SLCO1A2: variants seen among roughly 807,000 people sequenced by gnomAD.
SLCO1A2 encodes the protein OATP-1.
SLCO1A2 carries 67 observed loss-of-function variants against 69.0 expected under a neutral mutation model. The ratio of observed to expected loss-of-function variants is 0.97; its 90% CI spans 0.80 to 1.19. SLCO1A2 has a LOEUF of 1.19. SLCO1A2 is among the 50% of genes most tolerant of loss of function. The probability of loss-of-function intolerance (pLI) is 0.00; values close to 1 mark genes in which losing one functional copy is unlikely to be tolerated. For synonymous variants in SLCO1A2, 260 were observed against 265.9 expected (o/e 0.98, Z 0.22); for missense variants, 787 against 793.7 (o/e 0.99, Z 0.10).
chr12:21,285,162 T>A (rs1369347573), intron 12 of SLCO1A2, among the ~76,000 whole-genome samples: 1 of 147,318 alleles, frequency 6.8e-6, no homozygotes, highest in Non-Finnish European at 1.5e-5. Flanking sequence ...CAATAAAAAA[T>A]GATAAAGGGG....
At chr12:21,364,522 A>AACAG in intron 2 of SLCO1A2, among the ~76,000 whole-genome samples, 1 of 152,344 alleles carries the variant, frequency 6.6e-6, no homozygotes, top group South Asian at 2.1e-4. Context: ...ACTCCTATTC[A>AACAG]ACATAGTGTT....
intron 2 of SLCO1A2, among the ~76,000 whole-genome samples, chr12:21,345,300 T>C (rs750432522): frequency 1.5e-4 from 23 of 152,170 alleles, no homozygotes; most frequent in Non-Finnish European, 3.1e-4. Context: ...CTCCTTGCAG[T>C]AGAAACAGTA....
chr12:21,315,096 T>C (rs1950708813), intron 3 of SLCO1A2, among the ~76,000 whole-genome samples: 1 of 152,222 alleles, frequency 6.6e-6, no homozygotes, highest in Non-Finnish European at 1.5e-5. Flanking sequence ...TATCATGTTT[T>C]CCTATGCCCA....
intron 2 of SLCO1A2, among the ~76,000 whole-genome samples, chr12:21,359,500 C>A (rs1382325592): frequency 6.6e-6 from 1 of 152,112 alleles, no homozygotes; most frequent in East Asian, 1.9e-4. Flanking sequence ...TACCCAATAA[C>A]CTTGCAATGA....
upstream of SLCO1A2, among the ~76,000 whole-genome samples, chr12:21,396,563 A>G (rs1275869756): frequency 1.3e-5 from 2 of 151,564 alleles, no homozygotes; most frequent in African/African-American, 2.4e-5. Flanking sequence ...TCCAAGACAC[A>G]TAATTGTCAG....
intron 11 of SLCO1A2, among the ~76,000 whole-genome samples, chr12:21,293,245 G>C (rs1259618674): frequency 2.6e-5 from 4 of 152,166 alleles, no homozygotes; most frequent in Admixed American, 2.6e-4. Context: ...GGAGGTTGCA[G>C]TGAGCCGAGA....
chr12:21,315,370 TG>T (rs770185981), intron 3 of SLCO1A2, among the ~76,000 whole-genome samples: 1 of 152,122 alleles, frequency 6.6e-6, no homozygotes, highest in East Asian at 1.9e-4. Flanking sequence ...AAGAAACTAA[TG>T]GGGGAAGGCC....
intron 2 of SLCO1A2, among the ~76,000 whole-genome samples, chr12:21,331,165 G>T (rs984449542): frequency 6.6e-5 from 10 of 152,014 alleles, no homozygotes; most frequent in African/African-American, 2.2e-4. Context: ...AGAAGAATCT[G>T]CCCATGACTC....
upstream of SLCO1A2, among the ~76,000 whole-genome samples, chr12:21,397,286 A>T (rs958409947): frequency 6.6e-6 from 1 of 151,852 alleles, no homozygotes; most frequent in Non-Finnish European, 1.5e-5. Flanking sequence ...AGGCCATTAC[A>T]TAATGGTAAA....
intron 12 of SLCO1A2, among the ~76,000 whole-genome samples, chr12:21,278,678 CT>C (rs1565465366): frequency 6.6e-6 from 1 of 152,146 alleles, no homozygotes; most frequent in Non-Finnish European, 1.5e-5. Context: ...CATTATTGGG[CT>C]TGCGGGCCCA....
At chr12:21,321,838 C>T (rs1296293357) in intron 2 of SLCO1A2, among the ~76,000 whole-genome samples, 2 of 152,098 alleles carry the variant, frequency 1.3e-5, no homozygotes, top group Non-Finnish European at 2.9e-5. Flanking sequence ...CTTTATCTTC[C>T]CACCCTACTG....
At chr12:21,367,917 A>G (rs572968879) in intron 2 of SLCO1A2, among the ~76,000 whole-genome samples, 1 of 152,208 alleles carries the variant, frequency 6.6e-6, no homozygotes, top group African/African-American at 2.4e-5. Context: ...GTAATCAAAT[A>G]GTTAACAAGA....
chr12:21,312,094 G>GAGA (rs1006193863), intron 4 of SLCO1A2, among the ~76,000 whole-genome samples: 9 of 150,240 alleles, frequency 6.0e-5, no homozygotes, highest in African/African-American at 2.2e-4. Context: ...GAGGAGGAAG[G>GAGA]AGAAGAAGAA....
intron 2 of SLCO1A2, chr12:21,324,556 T>C (rs1373509654): frequency 2.0e-5 from 3 of 152,228 alleles, no homozygotes; most frequent in African/African-American, 7.2e-5. Context: ...ACTAAACTTA[T>C]GCAAATAACT....
In SLCO1A2 at chr12:21,318,938, TA is replaced by T; in HGVS notation, c.61-16del. The T allele has an allele frequency of 6.4e-7, 1 of 1,564,194 alleles. No homozygotes were observed. The highest frequency in any genetic ancestry group is 1.2e-5 in the South Asian group (1 of 83,640). Reference sequence around the variant, plus strand: ...AACAGAAACATCTAGGAAAAAAATATAAGAAAACGTAGAAAAAATTATTTTT... The same window carrying T: ...AACAGAAACATCTAGGAAAAAAATATAGAAAACGTAGAAAAAATTATTTTT... On this transcript the variant is annotated splice_polypyrimidine_tract_variant and intron_variant, in intron 2 of 14. Coordinates refer to ENST00000683939, the MANE Select transcript of SLCO1A2 (RefSeq NM_001386879.1).
At chr12:21,386,053 T>A (rs1012566235) in intron 1 of SLCO1A2, among the ~76,000 whole-genome samples, 1 of 152,214 alleles carries the variant, frequency 6.6e-6, no homozygotes, top group Non-Finnish European at 1.5e-5. Context: ...GTCTAAGTGT[T>A]TTCAACTTTC....
In SLCO1A2 at chr12:21,300,497, C is replaced by T; in HGVS notation, c.761G>A (p.Gly254Glu). 6.2e-7 allele frequency: 1 copy of T among 1,613,520 alleles called. No individual in the cohort carries two copies. Residue 254 changes from glycine (G) to glutamate (E), a missense_variant, in exon 8 of 15, where the codon GGA becomes GAA. Physicochemically the swap from Gly to Glu is moderately conservative, Grantham distance 98 (BLOSUM62 -2). Coordinates refer to ENST00000683939, the MANE Select transcript of SLCO1A2 (RefSeq NM_001386879.1). ...AWWFGFLICAGVNVLTAIPFF... is the reference protein window; with the variant it reads ...AWWFGFLICAEVNVLTAIPFF... ...AGGAATGGCAGTGAGCACGTTAACT[C>T]CTGCACAAATCAGAAAGCCAAACCA...
chr12:21,295,662 A>T lies in SLCO1A2; in HGVS notation c.1206T>A (p.Tyr402Ter). The change falls in exon 10 of 15, where the codon TAT becomes TAA. Residue 402 changes from tyrosine to a stop codon, truncating the protein, a stop_gained. Transcript: ENST00000683939. LOFTEE classifies it high-confidence loss of function. ...CWLSLLEYLLYFLSFLMTCEN... is the reference protein window; with the variant it reads ...CWLSLLEYLL Reference sequence around the variant, plus strand: ...CACAAGTCATGAGAAAAGATAAAAAATAGAGAAGATACTCAAGTAAGGATA... The same window carrying T: ...CACAAGTCATGAGAAAAGATAAAAATTAGAGAAGATACTCAAGTAAGGATA... 1.2e-6 allele frequency: 2 copies of T among 1,606,798 alleles called. No individual in the cohort carries two copies. The highest frequency in any genetic ancestry group is 1.7e-6 in the Non-Finnish European group (2 of 1,173,704).
chr12:21,277,242 G>T (rs1032556422), intron 12 of SLCO1A2, among the ~76,000 whole-genome samples: 1 of 146,368 alleles, frequency 6.8e-6, no homozygotes, highest in Non-Finnish European at 1.5e-5. Context: ...GGGTCATGAG[G>T]TGCCCATTCC....
Sources: allele counts gnomAD v4.1 joint callset (sites outside exome capture counted in the v4.1 genomes callset), GRCh38; gene constraint gnomAD v4.1.1; transcripts MANE v1.5; gene names NCBI Gene and HGNC (gene_info 2026-07-23, HGNC 2026-07-21).